DNAH6: variants seen among roughly 807,000 people sequenced by gnomAD.
The protein encoded by DNAH6 is dynein axonemal heavy chain 6.
DNAH6 carries 340 observed loss-of-function variants against 491.4 expected under a neutral mutation model. The observed-to-expected ratio is 0.69, with a 90% CI of 0.63 to 0.76. The LOEUF is 0.76. Ranked by LOEUF, DNAH6 falls within the 30% of genes least tolerant of loss-of-function variation. DNAH6 has a pLI of 0.00. For missense variants in DNAH6, 4,443 were observed against 4,972.2 expected, an observed-to-expected ratio of 0.89 and a Z score of 3.20; for synonymous variants, 1,603 against 1,686.1, an observed-to-expected ratio of 0.95 and a Z score of 1.21.
intron 67 of DNAH6, among the ~76,000 whole-genome samples, 165 bp from the exon 68 acceptor site, chr2:84,786,999 T>G (rs938622919): frequency 1.3e-5 from 2 of 152,208 alleles, no homozygotes; most frequent in Admixed American, 1.3e-4. Context: ...AGAGGTGCTT[T>G]CTCTGTTTGG....
chr2:84,522,618 G>T (rs953503668), intron 2 of DNAH6, among the ~76,000 whole-genome samples: 2 of 151,024 alleles, frequency 1.3e-5, no homozygotes, highest in South Asian at 2.1e-4. Flanking sequence ...GTAATATATG[G>T]CTGTTATTTT....
intron 4 of DNAH6, among the ~76,000 whole-genome samples, chr2:84,540,767 A>G (rs1430755589): frequency 1.3e-5 from 2 of 152,224 alleles, no homozygotes; most frequent in African/African-American, 4.8e-5. Context: ...ATGGATACAG[A>G]CAGGTTCTAC....
chr2:84,752,343 GA>G (rs1279086927), intron 63 of DNAH6, among the ~76,000 whole-genome samples: 1 of 152,172 alleles, frequency 6.6e-6, no homozygotes, highest in African/African-American at 2.4e-5. Context: ...TGCTAAGTAA[GA>G]AAGATCTCTA....
chr2:84,609,146 T>C (rs756136942), intron 21 of DNAH6, among the ~76,000 whole-genome samples: 6 of 152,200 alleles, frequency 3.9e-5, no homozygotes, highest in Non-Finnish European at 7.3e-5. Flanking sequence ...TAAGGGAATG[T>C]TATGGTTGGT....
At chr2:84,672,779 G>A (rs1035256593) in intron 40 of DNAH6, among the ~76,000 whole-genome samples, 1 of 152,074 alleles carries the variant, frequency 6.6e-6, no homozygotes, top group African/African-American at 2.4e-5. Context: ...TTACCCTAAT[G>A]GCCTCATTTT....
intron 33 of DNAH6, among the ~76,000 whole-genome samples, chr2:84,650,132 G>A (rs1394964844): frequency 2.0e-5 from 3 of 151,306 alleles, no homozygotes; most frequent in Admixed American, 6.6e-5. Context: ...GGATTTCTTC[G>A]GGTTTATCCT....
intron 63 of DNAH6, among the ~76,000 whole-genome samples, chr2:84,755,045 A>G (rs1673863685): frequency 6.6e-6 from 1 of 152,296 alleles, no homozygotes; most frequent in African/African-American, 2.4e-5. Flanking sequence ...TTCTGATACT[A>G]TTGTAAATTG....
chr2:84,790,430 A>G (rs1172688573), intron 68 of DNAH6, among the ~76,000 whole-genome samples: 9 of 152,238 alleles, frequency 5.9e-5, no homozygotes, highest in Non-Finnish European at 1.3e-4. Flanking sequence ...AACACACACC[A>G]TCAAGAAAGT....
upstream of DNAH6, among the ~76,000 whole-genome samples, chr2:84,512,428 G>A (rs74800131): frequency 7.3e-3 from 1,116 of 152,210 alleles, 15 homozygotes; most frequent in African/African-American, 0.025. Context: ...CCAAGAAAAC[G>A]ACATGAATCC....
chr2:84,818,988 A>G (rs1336431770), intron 76 of DNAH6, among the ~76,000 whole-genome samples: 2 of 152,080 alleles, frequency 1.3e-5, no homozygotes, highest in African/African-American at 4.8e-5. Context: ...TAGGAGAATC[A>G]CTTGAACCCA....
intron 37 of DNAH6, among the ~76,000 whole-genome samples, chr2:84,661,513 G>A (rs1241996723): frequency 6.6e-6 from 1 of 152,032 alleles, no homozygotes; most frequent in Non-Finnish European, 1.5e-5. Context: ...TCCACAAAGA[G>A]TTAACAAATG....
chr2:84,538,332 C>T (rs369172128), intron 4 of DNAH6, among the ~76,000 whole-genome samples: 1 of 152,120 alleles, frequency 6.6e-6, no homozygotes, highest in East Asian at 1.9e-4. Context: ...AGATTAAAGA[C>T]TTTTCTATTT....
intron 33 of DNAH6, among the ~76,000 whole-genome samples, chr2:84,652,218 T>C (rs891914671): frequency 6.6e-6 from 1 of 152,142 alleles, no homozygotes; most frequent in Non-Finnish European, 1.5e-5. Flanking sequence ...TCAAATTGTC[T>C]TCCAAAGATG....
At chr2:84,778,262 C>T (rs569925752) in intron 64 of DNAH6, 4 of 586,108 alleles carry the variant, frequency 6.8e-6, no homozygotes, top group African/African-American at 1.9e-5. Context: ...AATGCATGTC[C>T]GGCGGGCATC....
rs1459142878 is a variant in DNAH6, at chr2:84,606,906, A to G, written c.3175-70A>G. The stretch of plus-strand genomic sequence containing the variant: ...GACTTTTAAGTAGACACTTGGGATT[A>G]TGTATCTGAAATATTACTGAAAGCA... On this transcript the variant is annotated intron_variant, in intron 20 of 76. Transcript: ENST00000389394. 4.1e-6 allele frequency: 6 copies of G among 1,469,836 alleles called. No homozygotes were observed. In the East Asian group the frequency reaches 1.5e-4, roughly 37 times the overall value. The allele number at this position is 1,469,836 out of a possible 1,614,324, so 91.0% of individuals were successfully genotyped here.
rs186182806 is a variant in DNAH6, at chr2:84,595,903, G to T, written c.2868+114G>T. On this transcript the variant is annotated intron_variant, in intron 18 of 76. Transcript: ENST00000389394. Reference sequence around the variant, plus strand: ...ATTAAGTTAGTCAGCTTTGCAGACAGAAAAAACAATAGTCAAATTCATTTT... The same window carrying T: ...ATTAAGTTAGTCAGCTTTGCAGACATAAAAAACAATAGTCAAATTCATTTT... 16 of 1,147,250 alleles carry T rather than the reference G, an allele frequency of 1.4e-5. No homozygotes were observed. In the African/African-American group the frequency reaches 2.5e-4, roughly 18 times the overall value. The allele number at this position is 1,147,250 out of a possible 1,614,324, so 71.1% of individuals were successfully genotyped here. A position where few individuals can be genotyped will look rare whatever the true frequency, so the allele number is the denominator to read the frequency against.
At chr2:84,718,808 A>C (rs1697806397) in intron 59 of DNAH6, among the ~76,000 whole-genome samples, 1 of 152,208 alleles carries the variant, frequency 6.6e-6, no homozygotes, top group South Asian at 2.1e-4. Flanking sequence ...ACAGTTATCC[A>C]ATTACATGGC....
the DNAH6 span, among the ~76,000 whole-genome samples, chr2:84,484,356 G>A: frequency 2.0e-5 from 3 of 152,282 alleles, no homozygotes; most frequent in East Asian, 3.9e-4. Flanking sequence ...TAGAAGAATA[G>A]GGTAAAGTGT....
intron 4 of DNAH6, among the ~76,000 whole-genome samples, chr2:84,530,262 A>G (rs1677035888): frequency 6.6e-6 from 1 of 152,142 alleles, no homozygotes; most frequent in Non-Finnish European, 1.5e-5. Flanking sequence ...AGAGGCAAAG[A>G]GGATTAGGAG....
Sources: allele counts gnomAD v4.1 joint callset (sites outside exome capture counted in the v4.1 genomes callset), GRCh38; gene constraint gnomAD v4.1.1; transcripts MANE v1.5; gene names NCBI Gene and HGNC (gene_info 2026-07-23, HGNC 2026-07-21).